CAPN8: variants seen among roughly 807,000 people sequenced by gnomAD.
CAPN8 encodes calpain-8.
Under a neutral mutation model 80.9 loss-of-function variants are expected in CAPN8, and 87 were observed. The ratio of observed to expected loss-of-function variants is 1.07; its 90% CI spans 0.90 to 1.28. CAPN8 has a LOEUF of 1.28. Among genes scored for constraint, CAPN8 ranks in the 50% most tolerant of loss-of-function variants. The probability of loss-of-function intolerance (pLI) is 0.00; values close to 1 mark genes in which losing one functional copy is unlikely to be tolerated. For synonymous variants in CAPN8, 299 were observed against 273.8 expected (o/e 1.09, Z -0.91); for missense variants, 757 against 702.0 (o/e 1.08, Z -0.89).
chr1:223,648,576 G>C (rs562858522), intron 2 of CAPN8, among the ~76,000 whole-genome samples: 3 of 152,308 alleles, frequency 2.0e-5, no homozygotes, highest in Non-Finnish European at 2.9e-5. Flanking sequence ...CCCAGGCCTC[G>C]CTCCATGGGG....
intron 18 of CAPN8, 70 bp downstream of exon 18, chr1:223,544,702 A>G: frequency 6.5e-7 from 1 of 1,539,574 alleles, no homozygotes; most frequent in Non-Finnish European, 8.8e-7. Flanking sequence ...AGCAATCATC[A>G]TCATGAGAAT....
intron 16 of CAPN8, among the ~76,000 whole-genome samples, chr1:223,547,135 C>T (rs1656645101): frequency 6.6e-6 from 1 of 152,178 alleles, no homozygotes; most frequent in Admixed American, 6.5e-5. Context: ...TGGTCTCGAA[C>T]TCCTGGCCTT....
chr1:223,545,037 GAACA>G, intron 17 of CAPN8, 187 bp from the exon 18 acceptor site: 1 of 1,387,954 alleles, frequency 7.2e-7, no homozygotes, highest in Admixed American at 2.4e-5. Context: ...TTTGCTGTCT[GAACA>G]GCAGGGCTTT....
intron 17 of CAPN8, 43 bp downstream of exon 17, chr1:223,545,188 A>G (rs1344113430): frequency 1.3e-6 from 2 of 1,551,614 alleles, no homozygotes; most frequent in Middle Eastern, 1.7e-4. Context: ...GTAAGGGAGG[A>G]TTAGAACAGA....
At chr1:223,620,361 A>C in intron 7 of CAPN8, 95 bp from the exon 8 acceptor site, 1 of 1,078,150 alleles carries the variant, frequency 9.3e-7, no homozygotes, top group East Asian at 2.6e-5. Flanking sequence ...AAGAGCCAGA[A>C]ACAAAATACC....
At chr1:223,645,643 G>C (rs1658171570) in intron 2 of CAPN8, among the ~76,000 whole-genome samples, 1 of 152,194 alleles carries the variant, frequency 6.6e-6, no homozygotes, top group Non-Finnish European at 1.5e-5. Flanking sequence ...AGGGGCTCCA[G>C]ATGCAACTGG....
At chr1:223,621,041 G>A (rs1216692895) in intron 7 of CAPN8, among the ~76,000 whole-genome samples, 2 of 151,706 alleles carry the variant, frequency 1.3e-5, no homozygotes, top group Non-Finnish European at 2.9e-5. Context: ...TAAGAGCTGG[G>A]GCACACTCCA....
chr1:223,549,524 T>G (rs546215148), intron 15 of CAPN8, 142 bp from the exon 16 acceptor site: 7 of 1,315,738 alleles, frequency 5.3e-6, no homozygotes, highest in Non-Finnish European at 7.4e-6. Context: ...GAGAGCATCA[T>G]GGCAGGCTTG....
intron 14 of CAPN8, among the ~76,000 whole-genome samples, chr1:223,552,876 G>A (rs1656827634): frequency 6.6e-6 from 1 of 152,134 alleles, no homozygotes; most frequent in African/African-American, 2.4e-5. Flanking sequence ...ATAAAATATG[G>A]CCCTTGGCAG....
At chr1:223,627,866 T>C in intron 4 of CAPN8, 143 bp downstream of exon 4, 1 of 917,214 alleles carries the variant, frequency 1.1e-6, no homozygotes, top group Non-Finnish European at 1.6e-6. Context: ...AAAAATGCTC[T>C]CTCTCCGGCT....
Position 223,622,804 on chromosome 1 carries a change from A to T in CAPN8, c.899+11T>A. ...GAGAGATGACTGGAGAAGCGGGGGAAAAAAACCTACTCATCGCTCCAGGCT... is the reference window on the plus strand; with the variant it reads ...GAGAGATGACTGGAGAAGCGGGGGATAAAAACCTACTCATCGCTCCAGGCT... On this transcript the variant is annotated intron_variant, in intron 7 of 20. Coordinates refer to ENST00000366872, the MANE Select transcript of CAPN8 (RefSeq NM_001143962.2). 6.4e-7 allele frequency: 1 copy of T among 1,550,586 alleles called. No individual in the cohort carries two copies. Among genetic ancestry groups the T allele is most frequent in the East Asian group, 2.4e-5 (1 of 40,924 alleles).
chr1:223,638,894 C>T (rs10737423), intron 2 of CAPN8, among the ~76,000 whole-genome samples: 151,340 of 152,352 alleles, frequency 0.99, 75,176 homozygotes, highest in East Asian at 1. Context: ...GCCTAATGGA[C>T]CTTGCACATC....
At chr1:223,613,339 G>A (rs1182271423) in intron 10 of CAPN8, among the ~76,000 whole-genome samples, 2 of 152,234 alleles carry the variant, frequency 1.3e-5, no homozygotes, top group East Asian at 3.8e-4. Flanking sequence ...AATCACCCAT[G>A]CAGAGGCCTC....
chr1:223,544,433 T>A (rs925121567), intron 18 of CAPN8, among the ~76,000 whole-genome samples: 1 of 152,114 alleles, frequency 6.6e-6, no homozygotes, highest in African/African-American at 2.4e-5. Flanking sequence ...AACTCAGCCA[T>A]GGGTCACATC....
At chr1:223,635,060 C>A (rs1179266488) in intron 2 of CAPN8, among the ~76,000 whole-genome samples, 1 of 152,212 alleles carries the variant, frequency 6.6e-6, no homozygotes, top group African/African-American at 2.4e-5. Context: ...GAATGCTGTG[C>A]TGATTGCACA....
chr1:223,634,610 A>G (rs1036170844), intron 2 of CAPN8, among the ~76,000 whole-genome samples: 10 of 152,220 alleles, frequency 6.6e-5, no homozygotes, highest in Admixed American at 2.6e-4. Context: ...TGGGAAGTCC[A>G]AGATCAAAGC....
At chr1:223,636,808 A>T (rs185710094) in intron 2 of CAPN8, among the ~76,000 whole-genome samples, 7 of 136,908 alleles carry the variant, frequency 5.1e-5, no homozygotes, top group African/African-American at 1.1e-4. Context: ...GTCGATCACT[A>T]GTAAAGCTAA....
intron 1 of CAPN8, among the ~76,000 whole-genome samples, chr1:223,662,543 G>A (rs1658673994): frequency 6.6e-6 from 1 of 152,194 alleles, no homozygotes; most frequent in Non-Finnish European, 1.5e-5. Context: ...TGTGTATTTA[G>A]TTTCTGTTTT....
Position 223,665,560 on chromosome 1 carries a change from G to C in CAPN8, c.87C>G (p.Gly29=), listed in dbSNP as rs1361190725. 6.4e-7 allele frequency: 1 copy of C among 1,551,654 alleles called. No individual in the cohort carries two copies. Residue 29 remains glycine (G), a synonymous_variant, in exon 1 of 21, where the codon GGC becomes GGG. Transcript: ENST00000366872. ...GTTGCCTCAGGGTCTTGAAATCCTG[G>C]CCCAAGTACTTCAAAGCGTTTTGGT... ...GSNQNALKYL[G]QDFKTLRQQC... is the part of the protein sequence containing the mutation.
Sources: allele counts gnomAD v4.1 joint callset (sites outside exome capture counted in the v4.1 genomes callset), GRCh38; gene constraint gnomAD v4.1.1; transcripts MANE v1.5; gene names NCBI Gene and HGNC (gene_info 2026-07-23, HGNC 2026-07-21).